BRAF: variants seen among roughly 807,000 people sequenced by gnomAD.
BRAF encodes B-Raf proto-oncogene, serine/threonine kinase.
A neutral mutation model predicts 104.6 loss-of-function variants in BRAF; 16 were observed. The ratio of observed to expected loss-of-function variants is 0.15; its 90% CI spans 0.10 to 0.23. The LOEUF (loss-of-function observed/expected upper bound fraction) is 0.23. BRAF is among the 10% of genes least tolerant of loss of function. BRAF has a pLI of 1.00. For synonymous variants in BRAF, 310 were observed against 341.6 expected, an observed-to-expected ratio of 0.91 and a Z score of 1.02; for missense variants, 541 against 937.3, an observed-to-expected ratio of 0.58 and a Z score of 5.52.
chr7:140,765,220 C>T (rs1203636012), intron 14 of BRAF, among the ~76,000 whole-genome samples: 18 of 152,270 alleles, frequency 1.2e-4, no homozygotes, highest in Admixed American at 5.2e-4. Flanking sequence ...ACTTAATAAA[C>T]GGTGCTGGGA....
At position 140,924,740 on chromosome 7, in the gene BRAF, C is replaced by T. The variant is rs762432076; in HGVS notation, c.-37G>A. On this transcript the variant is annotated 5_prime_UTR_variant, in exon 1 of 20. Coordinates refer to ENST00000644969, the MANE Select transcript of BRAF (RefSeq NM_001374258.1). The surrounding 1 kb of genome is among the most constrained non-coding windows in gnomAD (Gnocchi z 4.2). ...GAGCCGGGGCCCGAGCGGCCGCTGT[C>T]GGGCGGGGAGGGGGAAGGGAGGCGG... is the stretch of plus-strand genomic sequence containing the variant. The T allele has an allele frequency of 2.7e-6, 2 of 749,104 alleles. No homozygotes were observed. Among genetic ancestry groups the T allele is most frequent in the South Asian group, 1.6e-5 (1 of 63,196 alleles). 46.4% of individuals were successfully genotyped at this position (749,104 alleles called of 1,614,324 possible). A position where few individuals can be genotyped will look rare whatever the true frequency, so the allele number is the denominator to read the frequency against.
intron 3 of BRAF, among the ~76,000 whole-genome samples, chr7:140,818,511 T>A (rs1805127744): frequency 1.3e-5 from 2 of 151,998 alleles, no homozygotes; most frequent in Admixed American, 6.5e-5. Context: ...CAGGATTTCA[T>A]CATGTTGGCC....
intron 3 of BRAF, among the ~76,000 whole-genome samples, chr7:140,826,650 T>C (rs1806084411): frequency 6.6e-6 from 1 of 152,192 alleles, no homozygotes; most frequent in Non-Finnish European, 1.5e-5. Flanking sequence ...CTGAGCGATA[T>C]ACTTCAGATT....
chr7:140,742,185 GT>G (rs144088430), intron 17 of BRAF, among the ~76,000 whole-genome samples: 2 of 151,446 alleles, frequency 1.3e-5, no homozygotes, highest in South Asian at 2.1e-4. Context: ...ACATGGTGGG[GT>G]TTTTTTTGTT....
chr7:140,808,405 C>T (rs1327173543), intron 4 of BRAF: 6 of 400,848 alleles, frequency 1.5e-5, no homozygotes, highest in African/African-American at 1.1e-4. Flanking sequence ...TCTATCCATT[C>T]AAGGAAAAAG....
intron 14 of BRAF, among the ~76,000 whole-genome samples, chr7:140,773,815 C>T (rs1562952996): frequency 6.6e-6 from 1 of 152,152 alleles, no homozygotes. Flanking sequence ...ATCATTTAGC[C>T]TTTTGGGGTC....
intron 3 of BRAF, among the ~76,000 whole-genome samples, chr7:140,813,614 A>G (rs1224251782): frequency 6.6e-6 from 1 of 152,202 alleles, no homozygotes; most frequent in Non-Finnish European, 1.5e-5. Flanking sequence ...AAGAACCTGA[A>G]TGACCATACA....
At chr7:140,887,438 C>T (rs909119653) in intron 1 of BRAF, among the ~76,000 whole-genome samples, 4 of 152,130 alleles carry the variant, frequency 2.6e-5, no homozygotes, top group South Asian at 2.1e-4. Context: ...CTAATCTGAC[C>T]GCAAATATTT....
At chr7:140,800,084 A>T (rs1235476080) in intron 7 of BRAF, 7 of 468,238 alleles carry the variant, frequency 1.5e-5, no homozygotes, top group Non-Finnish European at 2.0e-5. Context: ...CAGGAGATCC[A>T]AAAGAAAGCA....
intron 2 of BRAF, among the ~76,000 whole-genome samples, chr7:140,845,085 TAGAA>T (rs1286746869): frequency 6.6e-6 from 1 of 152,174 alleles, no homozygotes; most frequent in Non-Finnish European, 1.5e-5. Flanking sequence ...ACCAATGGAA[TAGAA>T]AGCCCAGAAA....
At chr7:140,906,265 G>A (rs547034950) in intron 1 of BRAF, among the ~76,000 whole-genome samples, 5 of 152,076 alleles carry the variant, frequency 3.3e-5, no homozygotes, top group South Asian at 4.2e-4. Flanking sequence ...GCAGTGGCAC[G>A]ACCAAGGATC....
At chr7:140,757,616 C>T (rs1798315322) in intron 14 of BRAF, among the ~76,000 whole-genome samples, 1 of 152,086 alleles carries the variant, frequency 6.6e-6, no homozygotes, top group African/African-American at 2.4e-5. Context: ...TAGACATGGT[C>T]TATAATTTCA....
At chr7:140,775,852 A>C (rs1003204799) in intron 14 of BRAF, among the ~76,000 whole-genome samples, 1 of 152,234 alleles carries the variant, frequency 6.6e-6, no homozygotes, top group Non-Finnish European at 1.5e-5. Context: ...AAGGTGGTAT[A>C]GTTGGAAGAT....
intron 5 of BRAF, among the ~76,000 whole-genome samples, chr7:140,807,747 T>C (rs1411069196): frequency 6.6e-6 from 1 of 152,166 alleles, no homozygotes; most frequent in African/African-American, 2.4e-5. Flanking sequence ...TAACAATGCA[T>C]ACATTTTACT....
rs890694200 is a variant in BRAF at position 140,721,869 on chromosome 7, T to C, written c.*4625A>G. On this transcript the variant is annotated 3_prime_UTR_variant, in exon 20 of 20. Transcript: ENST00000644969. Reference sequence around the variant, plus strand: ...CCACAGCGCTTTGGGACAGGATGACTAACGCAGTCCAGCTTCATGTGCAAT... The same window carrying C: ...CCACAGCGCTTTGGGACAGGATGACCAACGCAGTCCAGCTTCATGTGCAAT... 7.7e-7 allele frequency: 1 copy of C among 1,296,340 alleles called. No individual in the cohort carries two copies. 80.3% of individuals were successfully genotyped at this position (1,296,340 alleles called of 1,614,324 possible).
chr7:140,738,305 GAGA>G (rs984169030), intron 18 of BRAF, among the ~76,000 whole-genome samples: 11 of 152,196 alleles, frequency 7.2e-5, no homozygotes, highest in African/African-American at 2.6e-4. Flanking sequence ...TCATTCTTTA[GAGA>G]AGAATAACAT....
intron 1 of BRAF, among the ~76,000 whole-genome samples, chr7:140,917,379 T>C (rs1263707206): frequency 1.3e-5 from 2 of 152,214 alleles, no homozygotes; most frequent in African/African-American, 2.4e-5. Context: ...ATGACTTTTA[T>C]ATGACTCCAT....
intron 19 of BRAF, chr7:140,733,320 A>G (rs1796124392): frequency 6.6e-6 from 1 of 151,902 alleles, no homozygotes; most frequent in Non-Finnish European, 1.5e-5. Flanking sequence ...TTACTGGAAG[A>G]ACCTTGATCT....
In BRAF at chr7:140,796,177, C is replaced by T. The variant is rs186858497; in HGVS notation, c.981-1710G>A. Among the ~76,000 whole-genome samples, 59 of 151,924 alleles carry T rather than the reference C, an allele frequency of 3.9e-4. No individual in the cohort carries two copies. In the East Asian group the frequency reaches 0.011, roughly 28 times the overall value. On this transcript the variant is annotated intron_variant, in intron 7 of 19. Coordinates refer to ENST00000644969, the MANE Select transcript of BRAF (RefSeq NM_001374258.1). ...ACCAGCCTGGCCAACATAGTAAAAC[C>T]CTGTCTCTACTAAAAATACAAAAAT...
Sources: allele counts gnomAD v4.1 joint callset (sites outside exome capture counted in the v4.1 genomes callset), GRCh38; gene constraint gnomAD v4.1.1; non-coding constraint Gnocchi (gnomAD v3.1); transcripts MANE v1.5; gene names NCBI Gene and HGNC (gene_info 2026-07-23, HGNC 2026-07-21).